SLC8A1: variants seen among roughly 807,000 people sequenced by gnomAD.
SLC8A1 encodes sodium/calcium exchanger 1.
SLC8A1 carries 18 observed loss-of-function variants against 68.3 expected under a neutral mutation model. That is an observed-to-expected ratio of 0.26 (90% CI 0.18 to 0.39). The LOEUF (loss-of-function observed/expected upper bound fraction) is 0.39. Among genes scored for constraint, SLC8A1 ranks in the 10% least tolerant of loss-of-function variants. The pLI is 1.00. For synonymous variants in SLC8A1, 475 were observed against 415.5 expected (o/e 1.14, Z -1.74); for missense variants, 985 against 1,156.7 (o/e 0.85, Z 2.15).
chr2:40,326,199 C>A (rs541220579), intron 2 of SLC8A1, among the ~76,000 whole-genome samples: 1 of 152,262 alleles, frequency 6.6e-6, no homozygotes, highest in East Asian at 1.9e-4. Context: ...GGGACCGCAG[C>A]GTGGAAAAGG....
intron 2 of SLC8A1, among the ~76,000 whole-genome samples, chr2:40,207,289 G>C (rs2055632656): frequency 6.6e-6 from 1 of 151,920 alleles, no homozygotes; most frequent in Admixed American, 6.6e-5. Context: ...GCAATTTTCA[G>C]CTGGCCAGAC....
intron 1 of SLC8A1, among the ~76,000 whole-genome samples, chr2:40,434,084 C>T (rs1237519630): frequency 6.6e-6 from 1 of 152,132 alleles, no homozygotes; most frequent in Non-Finnish European, 1.5e-5. Context: ...AAGAAAAAGC[C>T]CTGCCCTTTA....
At chr2:40,313,008 C>T (rs757358046) in intron 2 of SLC8A1, among the ~76,000 whole-genome samples, 4 of 151,858 alleles carry the variant, frequency 2.6e-5, no homozygotes, top group Non-Finnish European at 1.5e-5. Context: ...GCATATACTA[C>T]GTATATACAC....
intron 2 of SLC8A1, among the ~76,000 whole-genome samples, chr2:40,364,043 A>G (rs72798625): frequency 3.4e-4 from 52 of 152,178 alleles, no homozygotes; most frequent in Non-Finnish European, 6.8e-4. Context: ...CTCTGTACTC[A>G]TATCACTATA....
intron 2 of SLC8A1, among the ~76,000 whole-genome samples, chr2:40,355,503 C>G (rs978176735): frequency 2.0e-5 from 3 of 152,060 alleles, no homozygotes; most frequent in African/African-American, 7.2e-5. Context: ...TCATGCCAAG[C>G]TAAATATCCT....
At chr2:40,104,030 C>T (rs1174359533) in exon 8 of SLC8A1, 1 of 152,124 alleles carries the variant, frequency 6.6e-6, no homozygotes, top group Non-Finnish European at 1.5e-5. Flanking sequence ...ACAATCAAGT[C>T]CAGAGAGAGC....
intron 1 of SLC8A1, among the ~76,000 whole-genome samples, chr2:40,496,098 T>A (rs1705682453): frequency 6.6e-6 from 1 of 152,112 alleles, no homozygotes; most frequent in Non-Finnish European, 1.5e-5. Flanking sequence ...CTGCTCACTG[T>A]CAGGAAACAT....
At chr2:40,463,784 G>C (rs1703475052) in intron 1 of SLC8A1, among the ~76,000 whole-genome samples, 1 of 147,210 alleles carries the variant, frequency 6.8e-6, no homozygotes, top group African/African-American at 2.5e-5. Flanking sequence ...ATTACTCTCA[G>C]ACTTACAGAC....
intron 2 of SLC8A1, among the ~76,000 whole-genome samples, chr2:40,335,365 T>A (rs536107493): frequency 1.3e-5 from 2 of 152,348 alleles, no homozygotes; most frequent in East Asian, 3.9e-4. Context: ...TATATTGATG[T>A]ATTTCAAATT....
intron 6 of SLC8A1, among the ~76,000 whole-genome samples, chr2:40,148,402 T>C (rs2042851354): frequency 6.6e-6 from 1 of 152,156 alleles, no homozygotes; most frequent in African/African-American, 2.4e-5. Context: ...TCATAACTCT[T>C]TTCCTGATCT....
At chr2:40,169,487 T>C (rs1175588816) in intron 4 of SLC8A1, among the ~76,000 whole-genome samples, 1 of 152,164 alleles carries the variant, frequency 6.6e-6, no homozygotes, top group Non-Finnish European at 1.5e-5. Flanking sequence ...GTATTAGATC[T>C]GGGATAGCTG....
Position 40,417,081 on chromosome 2 carries a change from CT to C in SLC8A1, c.1808+11391del, listed in dbSNP as rs527771810. Reference sequence around the variant, plus strand: ...GTCTTAGGTTATTGATATTTGATTGCTTTTTGAAGATTATGCAGAGTTCTCC... The same window carrying C: ...GTCTTAGGTTATTGATATTTGATTGCTTTTGAAGATTATGCAGAGTTCTCC... On this transcript the variant is annotated intron_variant, in intron 2 of 7. Transcript: ENST00000406785. 2.1e-3 allele frequency among the ~76,000 whole-genome samples: 314 copies of C among 152,218 alleles called. 3 individuals carry two copies. Among genetic ancestry groups the C allele is most frequent in the Middle Eastern group, 0.01 (3 of 294 alleles).
chr2:40,338,254 T>C (rs1404538571), intron 2 of SLC8A1, among the ~76,000 whole-genome samples: 6 of 152,212 alleles, frequency 3.9e-5, no homozygotes, highest in Non-Finnish European at 7.3e-5. Context: ...ACATCCTGCC[T>C]GTAAGACAAG....
chr2:40,245,053 G>C (rs984425929), intron 2 of SLC8A1, among the ~76,000 whole-genome samples: 38 of 152,160 alleles, frequency 2.5e-4, no homozygotes, highest in Non-Finnish European at 7.4e-5. Context: ...TTAAAAATAG[G>C]CAGCCAATAT....
intron 2 of SLC8A1, among the ~76,000 whole-genome samples, chr2:40,185,443 A>G (rs1172778119): frequency 6.6e-6 from 1 of 152,240 alleles, no homozygotes; most frequent in Non-Finnish European, 1.5e-5. Context: ...ATGCTACAAC[A>G]TGGATGAACC....
chr2:40,263,655 C>T (rs2064995151), intron 2 of SLC8A1, among the ~76,000 whole-genome samples: 1 of 151,992 alleles, frequency 6.6e-6, no homozygotes, highest in Non-Finnish European at 1.5e-5. Context: ...AACTGGCTAG[C>T]CATATGTAGA....
chr2:40,392,815 T>C (rs17025901), intron 2 of SLC8A1, among the ~76,000 whole-genome samples: 11,095 of 152,130 alleles, frequency 0.073, 1,323 homozygotes, highest in African/African-American at 0.25. Context: ...GCTTTCAGCA[T>C]TAATATTTAC....
chr2:40,440,521 G>A (rs1700269676), intron 1 of SLC8A1, among the ~76,000 whole-genome samples: 1 of 152,042 alleles, frequency 6.6e-6, no homozygotes, highest in African/African-American at 2.4e-5. Context: ...ATAGCAAAGT[G>A]CGAGGCACTG....
At chr2:40,428,392 T>C in intron 2 of SLC8A1, 81 bp downstream of exon 2, 2 of 1,423,068 alleles carry the variant, frequency 1.4e-6, no homozygotes, top group South Asian at 1.6e-5. Flanking sequence ...TAAAAAATGA[T>C]GCACAGACTC....
Sources: allele counts gnomAD v4.1 joint callset (sites outside exome capture counted in the v4.1 genomes callset), GRCh38; gene constraint gnomAD v4.1.1; transcripts MANE v1.5; gene names NCBI Gene and HGNC (gene_info 2026-07-23, HGNC 2026-07-21).